Variants in OR52N4 observed in about 807,000 individuals in gnomAD.
OR52N4 encodes the protein olfactory receptor 52N4.
A neutral mutation model predicts 15.0 loss-of-function variants in OR52N4; 15 were observed. The observed-to-expected ratio is 1.00, with a 90% CI of 0.67 to 1.54. The LOEUF is 1.54. Ranked by LOEUF, OR52N4 falls within the 40% of genes most tolerant of loss-of-function variation. The probability of loss-of-function intolerance (pLI) is 0.00; values close to 1 mark genes in which losing one functional copy is unlikely to be tolerated. For missense variants in OR52N4, 421 were observed against 394.0 expected (o/e 1.07, Z -0.58); for synonymous variants, 143 against 143.7 (o/e 1.00, Z 0.03).
chr11:5,734,121 C>T, the OR52N4 span: 2 of 454,252 alleles, frequency 4.4e-6, no homozygotes, highest in East Asian at 1.4e-4. Context: ...TCTTAGCTGA[C>T]AACACATTTT....
the OR52N4 span, among the ~76,000 whole-genome samples, chr11:5,731,070 A>G: frequency 6.6e-6 from 1 of 152,146 alleles, no homozygotes; most frequent in Non-Finnish European, 1.5e-5. Context: ...ATTCGTGTAT[A>G]CTGTTCAGTT....
At chr11:5,737,486 T>C in the OR52N4 span, 16 of 1,606,638 alleles carry the variant, frequency 1.0e-5, no homozygotes, top group South Asian at 1.3e-4. Flanking sequence ...AGAAATAAGA[T>C]CTTAGAGACC....
the OR52N4 span, chr11:5,734,345 TC>T: frequency 3.4e-5 from 13 of 379,488 alleles, no homozygotes; most frequent in Non-Finnish European, 5.7e-5. Flanking sequence ...GATTGACATT[TC>T]TCTCTGTTTT....
the OR52N4 span, chr11:5,737,147 C>T: frequency 1.2e-6 from 2 of 1,613,998 alleles, no homozygotes; most frequent in Non-Finnish European, 1.7e-6. Flanking sequence ...CCAGTTGGTT[C>T]TGGCATGGCT....
the OR52N4 span, among the ~76,000 whole-genome samples, chr11:5,739,325 G>A: frequency 7.9e-6 from 1 of 127,028 alleles, no homozygotes; most frequent in Non-Finnish European, 1.7e-5. Context: ...AAAGTAGGAG[G>A]ATCACTTGAG....
chr11:5,749,726 T>G (rs969101016), upstream of OR52N4, among the ~76,000 whole-genome samples: 2 of 151,794 alleles, frequency 1.3e-5, no homozygotes, highest in African/African-American at 4.8e-5. Context: ...ATATGAGAAG[T>G]TGGGTCTACT....
chr11:5,747,673 A>G, the OR52N4 span, among the ~76,000 whole-genome samples: 120,359 of 151,906 alleles, frequency 0.79, 48,282 homozygotes, highest in Non-Finnish European at 0.86. Flanking sequence ...TACCCCAGTC[A>G]TAGACAATAT....
In OR52N4 at chr11:5,754,688, T is replaced by A; in HGVS notation, c.-48-5T>A. 1.4e-6 allele frequency: 2 copies of A among 1,477,774 alleles called. No homozygotes were observed. The highest frequency in any genetic ancestry group is 1.8e-6 in the Non-Finnish European group (2 of 1,103,050). 91.5% of individuals were successfully genotyped at this position (1,477,774 alleles called of 1,614,324 possible). A position where few individuals can be genotyped will look rare whatever the true frequency, so the allele number is the denominator to read the frequency against. On this transcript the variant is annotated splice_polypyrimidine_tract_variant and splice_region_variant and intron_variant, in intron 1 of 1. Transcript: ENST00000641350. ...ATTTTCTCTTGTTTTTTTTTTTAAC[T>A]CTAGGAAAGCCCAGACAAATTTTGA... is the stretch of plus-strand genomic sequence containing the variant.
Position 5,755,417 on chromosome 11 carries a change from C to T in OR52N4, c.677C>T (p.Ala226Val). The change falls in exon 2 of 2, where the codon GCA (alanine) becomes GTA (valine). Residue 226 changes from alanine to valine, a missense_variant. Transcript: ENST00000641350. ...AACTCCTATACCATGATTCTCCGGG[C>T]AGTGGTCAGCCTCTCCTCAGCAGAT... Reference protein sequence around the residue: ...ITNSYTMILRAVVSLSSADAR... With the variant: ...ITNSYTMILRVVVSLSSADAR... 1 of 1,614,082 alleles carries T rather than the reference C, an allele frequency of 6.2e-7. No homozygotes were observed. Among genetic ancestry groups the T allele is most frequent in the African/African-American group, 1.3e-5 (1 of 75,050 alleles).
At chr11:5,736,827 C>T in the OR52N4 span, 1 of 1,613,972 alleles carries the variant, frequency 6.2e-7, no homozygotes, top group Non-Finnish European at 8.5e-7. Flanking sequence ...ATTAGCCTCC[C>T]TGAGTGCTTT....
In OR52N4 at chr11:5,755,875, C is replaced by T; in HGVS notation, c.*169C>T. ...GGGAATCTCAACATCATTGGAAGGC[C>T]CACCAACATTTCTATAAATTTTTTA... On this transcript the variant is annotated 3_prime_UTR_variant, in exon 2 of 2. Transcript: ENST00000641350. 1 of 735,842 alleles carries T rather than the reference C, an allele frequency of 1.4e-6. No homozygotes were observed. Among genetic ancestry groups the T allele is most frequent in the Non-Finnish European group, 2.1e-6 (1 of 470,212 alleles). The allele number at this position is 735,842 out of a possible 1,614,324, so 45.6% of individuals were successfully genotyped here.
At chr11:5,751,751 C>T (rs911778478), upstream of OR52N4, among the ~76,000 whole-genome samples, 4 of 152,000 alleles carry the variant, frequency 2.6e-5, no homozygotes, top group Non-Finnish European at 5.9e-5. Context: ...GTCCTTACAT[C>T]GGTGATTTCA....
chr11:5,752,445 T>A (rs1215944132), upstream of OR52N4, among the ~76,000 whole-genome samples: 6 of 152,172 alleles, frequency 3.9e-5, no homozygotes, highest in Admixed American at 3.9e-4. Flanking sequence ...GAGGTTAGGA[T>A]GAATACCTCC....
the OR52N4 span, among the ~76,000 whole-genome samples, chr11:5,731,076 C>T: frequency 0.037 from 5,699 of 152,084 alleles, 334 homozygotes; most frequent in African/African-American, 0.13. Context: ...GTATACTGTT[C>T]AGTTAATAGA....
chr11:5,745,176 G>T, the OR52N4 span, among the ~76,000 whole-genome samples: 1 of 152,184 alleles, frequency 6.6e-6, no homozygotes, highest in South Asian at 2.1e-4. Context: ...TATTCAACAT[G>T]ATATTGGAAG....
At chr11:5,742,114 A>G in the OR52N4 span, among the ~76,000 whole-genome samples, 20,410 of 151,938 alleles carry the variant, frequency 0.13, 1,586 homozygotes, top group African/African-American at 0.22. Context: ...AACAAGAACG[A>G]AAGAGAGAGA....
At chr11:5,748,230 C>T in the OR52N4 span, among the ~76,000 whole-genome samples, 1 of 151,820 alleles carries the variant, frequency 6.6e-6, no homozygotes, top group Non-Finnish European at 1.5e-5. Context: ...CATAGCAATA[C>T]ATATATAGGA....
At chr11:5,734,142 T>C in the OR52N4 span, 18 of 455,988 alleles carry the variant, frequency 3.9e-5, no homozygotes, top group African/African-American at 3.2e-4. Context: ...TATCTTGTGT[T>C]AAAGCATCTT....
the OR52N4 span, among the ~76,000 whole-genome samples, chr11:5,742,771 C>A: frequency 6.6e-6 from 1 of 151,724 alleles, no homozygotes; most frequent in African/African-American, 2.4e-5. Flanking sequence ...GTGATACTTG[C>A]GACAATAAAA....
Sources: allele counts gnomAD v4.1 joint callset (sites outside exome capture counted in the v4.1 genomes callset), GRCh38; gene constraint gnomAD v4.1.1; transcripts MANE v1.5; gene names NCBI Gene and HGNC (gene_info 2026-07-23, HGNC 2026-07-21).